Variants in TNRC6C observed in about 807,000 individuals in gnomAD.
TNRC6C encodes the protein trinucleotide repeat containing adaptor 6C.
TNRC6C carries 20 observed loss-of-function variants against 153.7 expected under a neutral mutation model. That is an observed-to-expected ratio of 0.13 (90% confidence interval 0.09 to 0.19). The LOEUF is 0.19. Among genes scored for constraint, TNRC6C ranks in the 10% least tolerant of loss-of-function variants. The pLI is 1.00. For missense variants in TNRC6C, 1,987 were observed against 2,172.0 expected, an observed-to-expected ratio of 0.91 and a Z score of 1.69; for synonymous variants, 811 against 841.4, an observed-to-expected ratio of 0.96 and a Z score of 0.63.
At chr17:78,002,528 T>TA (rs1477415344), upstream of TNRC6C, among the ~76,000 whole-genome samples, 8 of 152,242 alleles carry the variant, frequency 5.3e-5, no homozygotes, top group Non-Finnish European at 8.8e-5. Flanking sequence ...GTTTTACTGA[T>TA]TTTTGTAAAT....
upstream of TNRC6C, chr17:78,004,051 G>A (rs1482991216): frequency 2.5e-6 from 3 of 1,206,520 alleles, no homozygotes; most frequent in Non-Finnish European, 3.1e-6. Context: ...CCTTCTCAGA[G>A]GGTCCTCCTG....
intron 1 of TNRC6C, among the ~76,000 whole-genome samples, chr17:78,022,226 G>A (rs1047530626): frequency 1.3e-5 from 2 of 152,216 alleles, no homozygotes; most frequent in African/African-American, 2.4e-5. Context: ...ATTCAAGGTG[G>A]AAAGGGAAGA....
intron 17 of TNRC6C, 30 bp downstream of exon 20, chr17:78,098,567 G>A (rs375511234): frequency 1.4e-5 from 22 of 1,599,144 alleles, no homozygotes; most frequent in Non-Finnish European, 1.8e-5. Context: ...TGTTCCGATG[G>A]GGGCCTTACC....
rs762507955 is a variant in TNRC6C at position 78,059,846 on chromosome 17, CA to C, written c.2396-4859del. 6.8e-3 allele frequency among the ~76,000 whole-genome samples: 530 copies of C among 77,660 alleles called. 3 individuals are homozygous for C. Among genetic ancestry groups the C allele is most frequent in the African/African-American group, 0.012 (270 of 22,726 alleles). The allele number at this position is 77,660 out of a possible 152,430, so 50.9% of individuals were successfully genotyped here. On this transcript the variant is annotated intron_variant, in intron 3 of 19. Coordinates refer to ENST00000301624, the Ensembl canonical transcript of TNRC6C. ...TCCTGGACAACAGGAGACCCTGTCT[CA>C]AAAAAAAAAAAAAAAAGAAAAAGAA...
At chr17:78,050,445 A>G (rs1284208590) in exon 3 of TNRC6C, 1 of 1,613,920 alleles carries the variant, frequency 6.2e-7, no homozygotes, top group Non-Finnish European at 8.5e-7. Context: ...CTGCCTGGGA[A>G]TTTGAAGAAT....
intron 13 of TNRC6C, among the ~76,000 whole-genome samples, chr17:78,088,022 C>T (rs137865291): frequency 1.1e-3 from 161 of 152,290 alleles, no homozygotes; most frequent in Middle Eastern, 6.8e-3. Context: ...AAAGGGTTAT[C>T]GGTAACTTGG....
chr17:78,045,043 G>A (rs1423847353), intron 2 of TNRC6C, among the ~76,000 whole-genome samples: 1 of 152,160 alleles, frequency 6.6e-6, no homozygotes, highest in East Asian at 1.9e-4. Context: ...CAGAGCAGGA[G>A]AAAGAATGAT....
intron 1 of TNRC6C, among the ~76,000 whole-genome samples, chr17:78,007,251 C>T (rs1470447920): frequency 6.6e-6 from 1 of 152,204 alleles, no homozygotes; most frequent in Admixed American, 6.5e-5. Context: ...TCAGTAACTA[C>T]TAACTAGCCT....
chr17:78,013,486 C>G (rs572381955), intron 1 of TNRC6C, among the ~76,000 whole-genome samples: 1 of 152,180 alleles, frequency 6.6e-6, no homozygotes, highest in Non-Finnish European at 1.5e-5. Flanking sequence ...TTTGATCCAG[C>G]AGATATTTAT....
In TNRC6C at chr17:78,075,394, A is replaced by G. The variant is rs575510739; in HGVS notation, c.3060+116A>G. 1 of 1,229,998 alleles carries G rather than the reference A, an allele frequency of 8.1e-7. No homozygotes were observed. Among genetic ancestry groups the G allele is most frequent in the African/African-American group, 1.5e-5 (1 of 65,580 alleles). The allele number at this position is 1,229,998 out of a possible 1,614,324, so 76.2% of individuals were successfully genotyped here. ...CTTGCTGGACTATAATACTTAAGTG[A>G]CTTTTATCCATTTTTTTCTAACATT... is the stretch of plus-strand genomic sequence containing the variant. On this transcript the variant is annotated intron_variant, in intron 8 of 19. Coordinates refer to ENST00000301624, the Ensembl canonical transcript of TNRC6C. This position sits in a 1 kb window ranked among gnomAD's most constrained non-coding sequence, Gnocchi z 4.2.
upstream of TNRC6C, among the ~76,000 whole-genome samples, chr17:78,002,126 A>G (rs749655306): frequency 3.0e-4 from 45 of 152,050 alleles, no homozygotes; most frequent in Non-Finnish European, 1.6e-4. Flanking sequence ...TTTCAAATCC[A>G]AGTTTATAAT....
At chr17:78,068,011 T>G in intron 5 of TNRC6C, 88 bp downstream of exon 7, 3 of 1,471,850 alleles carry the variant, frequency 2.0e-6, no homozygotes, top group East Asian at 2.3e-5. Context: ...GACAAAAAGA[T>G]AGACCTGAGG....
At chr17:78,032,115 C>T (rs2072087371) in intron 2 of TNRC6C, among the ~76,000 whole-genome samples, 4 of 152,320 alleles carry the variant, frequency 2.6e-5, no homozygotes, top group African/African-American at 9.6e-5. Context: ...TTGGTCCATA[C>T]GAACCCATCA....
chr17:78,066,170 G>A (rs931809985), intron 4 of TNRC6C: 2 of 151,490 alleles, frequency 1.3e-5, no homozygotes, highest in African/African-American at 4.9e-5. Context: ...GGCAGAGGTT[G>A]CAGTGAGCCA....
chr17:78,102,641 T>C, intron 18 of TNRC6C, 97 bp downstream of exon 21: 2 of 1,268,624 alleles, frequency 1.6e-6, no homozygotes, highest in Non-Finnish European at 2.2e-6. Flanking sequence ...GCAGGATAGT[T>C]GGGGGTTCTT....
rs976501834 is a variant in TNRC6C at position 78,090,170 on chromosome 17, A to G, written c.3803-1270A>G. 1.3e-4 allele frequency among the ~76,000 whole-genome samples: 20 copies of G among 152,220 alleles called. 2 individuals carry two copies. The highest frequency in any genetic ancestry group is 9.2e-4 in the Admixed American group (14 of 15,278). On this transcript the variant is annotated intron_variant, in intron 13 of 19. Coordinates refer to ENST00000301624, the Ensembl canonical transcript of TNRC6C. ...TGCATAGGTGTGTGTTAATGCCAAC[A>G]TTCAAAAATTGGGGAAAGTGGCTTC... is the stretch of plus-strand genomic sequence containing the variant.
At chr17:77,964,264 TAATA>T (rs1325985244) in intron 1 of TNRC6C, among the ~76,000 whole-genome samples, 2 of 152,240 alleles carry the variant, frequency 1.3e-5, no homozygotes, top group Non-Finnish European at 2.9e-5. Flanking sequence ...TTTTAGAAAT[TAATA>T]CTCTATTGTA....
upstream of TNRC6C, among the ~76,000 whole-genome samples, chr17:78,001,390 C>T (rs961864830): frequency 1.3e-5 from 2 of 152,074 alleles, no homozygotes; most frequent in Admixed American, 6.6e-5. Context: ...AAACACCAAT[C>T]GAAGGGATGC....
intron 16 of TNRC6C, among the ~76,000 whole-genome samples, 170 bp downstream of exon 18, chr17:78,093,933 G>A (rs1164350265): frequency 6.6e-6 from 1 of 152,098 alleles, no homozygotes; most frequent in Non-Finnish European, 1.5e-5. Context: ...AGTGCTTATG[G>A]AGAAATGGAA....
Sources: gnomAD v4.1 joint callset for allele counts (sites outside exome capture counted in the v4.1 genomes callset) on GRCh38, gnomAD v4.1.1 for gene constraint, Gnocchi (gnomAD v3.1) non-coding constraint, MANE v1.5 for transcripts, NCBI Gene and HGNC (gene_info 2026-07-23, HGNC 2026-07-21) for gene names.